The following ARNT variants were observed in gnomAD, a reference collection of about 807,000 sequenced individuals.
The protein encoded by ARNT is class E basic helix-loop-helix protein 2.
A neutral mutation model predicts 105.0 loss-of-function variants in ARNT; 30 were observed. That is an observed-to-expected ratio of 0.29 (90% CI 0.21 to 0.39). The LOEUF is 0.39. Among genes scored for constraint, ARNT ranks in the 10% least tolerant of loss-of-function variants. The probability of loss-of-function intolerance (pLI) is 1.00; values close to 1 mark genes in which losing one functional copy is unlikely to be tolerated. For synonymous variants in ARNT, 304 were observed against 344.0 expected (o/e 0.88, Z 1.29); for missense variants, 748 against 978.7 (o/e 0.76, Z 3.15).
At chr1:150,829,249 T>C in intron 11 of ARNT, 22 bp from the exon 12 acceptor site, 1 of 1,607,302 alleles carries the variant, frequency 6.2e-7, no homozygotes, top group Non-Finnish European at 8.5e-7. Context: ...GAGATAAAAA[T>C]GAGGTAAAAT....
chr1:150,870,833 A>G (rs1667310725), intron 1 of ARNT, among the ~76,000 whole-genome samples: 2 of 151,944 alleles, frequency 1.3e-5, no homozygotes, highest in Admixed American at 6.6e-5. Flanking sequence ...GAATCCATAA[A>G]CTTACTTGTC....
At chr1:150,813,140 T>C in intron 21 of ARNT, 32 bp downstream of exon 21, 7 of 1,601,860 alleles carry the variant, frequency 4.4e-6, no homozygotes, top group Non-Finnish European at 6.0e-6. Context: ...TCTCCCAGCT[T>C]CTAATTTTTG....
At chr1:150,852,394 G>A (rs1663794464) in intron 3 of ARNT, among the ~76,000 whole-genome samples, 1 of 152,128 alleles carries the variant, frequency 6.6e-6, no homozygotes, top group South Asian at 2.1e-4. Flanking sequence ...AGCCATCCCA[G>A]CTGAGTCCAG....
At chr1:150,865,982 GTT>G (rs199854652) in intron 1 of ARNT, among the ~76,000 whole-genome samples, 10 of 137,696 alleles carry the variant, frequency 7.3e-5, no homozygotes, top group Admixed American at 7.3e-5. Flanking sequence ...TTACTCCAAA[GTT>G]TTTTTTTTTT....
chr1:150,839,919 T>A (rs2135218), intron 5 of ARNT, among the ~76,000 whole-genome samples: 1 of 152,140 alleles, frequency 6.6e-6, no homozygotes, highest in Non-Finnish European at 1.5e-5. Flanking sequence ...CTTTGTAAAT[T>A]ACCACTCCCT....
rs1346630134 is a variant in ARNT at position 150,811,427 on chromosome 1, GAGAA to G, written c.*590_*593del. 4.3e-6 allele frequency: 1 copy of G among 232,564 alleles called. No homozygotes were observed. The highest frequency in any genetic ancestry group is 8.5e-6 in the Non-Finnish European group (1 of 117,926). The allele number at this position is 232,564 out of a possible 1,614,324, so 14.4% of individuals were successfully genotyped here. A position where few individuals can be genotyped will look rare whatever the true frequency, so the allele number is the denominator to read the frequency against. The stretch of plus-strand genomic sequence containing the variant: ...AAATTTTGCATAACTCCCTAATAGG[GAGAA>G]AGAGTGAAATACAGAAGCATGTGTG... On this transcript the variant is annotated 3_prime_UTR_variant, in exon 22 of 22. Coordinates refer to ENST00000358595, the MANE Select transcript of ARNT (RefSeq NM_001668.4).
Position 150,810,193 on chromosome 1 carries a change from G to A in ARNT, c.*1828C>T. 4.3e-6 allele frequency: 1 copy of A among 232,446 alleles called. No individual in the cohort carries two copies. The allele number at this position is 232,446 out of a possible 1,614,324, so 14.4% of individuals were successfully genotyped here. Reference sequence around the variant, plus strand: ...CACAGATGCCAGCAATACAGAAATGGCCAACAAGAAAACAAAACAGTCAAA... The same window carrying A: ...CACAGATGCCAGCAATACAGAAATGACCAACAAGAAAACAAAACAGTCAAA... On this transcript the variant is annotated 3_prime_UTR_variant, in exon 22 of 22. Coordinates refer to ENST00000358595, the MANE Select transcript of ARNT (RefSeq NM_001668.4).
intron 3 of ARNT, among the ~76,000 whole-genome samples, chr1:150,851,231 G>A (rs1023415504): frequency 3.5e-5 from 5 of 143,416 alleles, no homozygotes; most frequent in Admixed American, 1.4e-4. Context: ...CGCCCCATCC[G>A]GGAGGGTGGT....
In ARNT at chr1:150,838,796, T is replaced by C. The variant is rs184110696; in HGVS notation, c.486+645A>G. ...CATCCTCACTCAAGTCTAGCCATTC[T>C]ATTCACTTTAGCCATCCCTTCAGTA... On this transcript the variant is annotated intron_variant, in intron 6 of 21. Coordinates refer to ENST00000358595, the MANE Select transcript of ARNT (RefSeq NM_001668.4). Among the ~76,000 whole-genome samples the C allele has an allele frequency of 7.2e-5, 11 of 152,360 alleles. No individual in the cohort carries two copies. The East Asian group carries it at 2.1e-3, about 29-fold the overall frequency.
intron 1 of ARNT, among the ~76,000 whole-genome samples, chr1:150,871,684 C>T (rs1412047083): frequency 7.0e-6 from 1 of 143,318 alleles, no homozygotes; most frequent in Non-Finnish European, 1.5e-5. Context: ...CCAAGGTGGG[C>T]GGATCACCTG....
chr1:150,813,035 A>G (rs1037267679), intron 21 of ARNT, 137 bp downstream of exon 21: 2 of 970,820 alleles, frequency 2.1e-6, no homozygotes, highest in Non-Finnish European at 3.0e-6. Context: ...TGATCCCTAC[A>G]TTTATCCCTC....
chr1:150,853,250 A>C (rs1232397595), intron 2 of ARNT: 1 of 371,644 alleles, frequency 2.7e-6, no homozygotes. Context: ...CATTGCACTC[A>C]AGCCTGGGCG....
Position 150,817,081 on chromosome 1 carries a change from C to T in ARNT, c.1699+1G>A. On this transcript the variant is annotated splice_donor_variant, in intron 17 of 21. Coordinates refer to ENST00000358595, the MANE Select transcript of ARNT (RefSeq NM_001668.4). LOFTEE classifies it high-confidence loss of function. ...AAAAGGATAATGAGAAAGAAACATA[C>T]CCGCATTGATGTTGTGATAGATTTC... 6.2e-7 allele frequency: 1 copy of T among 1,614,050 alleles called. No homozygotes were observed. The highest frequency in any genetic ancestry group is 8.5e-7 in the Non-Finnish European group (1 of 1,180,008).
intron 1 of ARNT, among the ~76,000 whole-genome samples, chr1:150,876,153 A>C (rs1368623139): frequency 1.3e-5 from 2 of 152,252 alleles, no homozygotes; most frequent in African/African-American, 4.8e-5. Context: ...AACTACTCTT[A>C]AAGTAAACCG....
chr1:150,856,624 G>A (rs61817642), intron 2 of ARNT, among the ~76,000 whole-genome samples: 4 of 150,458 alleles, frequency 2.7e-5, no homozygotes, highest in African/African-American at 9.8e-5. Context: ...TTAGCTGGGC[G>A]TGGTGGCGCA....
chr1:150,814,194 C>A lies in ARNT; in HGVS notation c.1996G>T (p.Gly666Cys). The change falls in exon 20 of 22, where the codon GGT becomes TGT. Residue 666 changes from glycine (G) to cysteine (C), a missense_variant. Gly to Cys is a radical substitution (Grantham distance 159). Transcript: ENST00000358595. ...ATAKTRTSQFGVGSFQTPSSF... is the reference protein window; with the variant it reads ...ATAKTRTSQFCVGSFQTPSSF... Reference sequence around the variant, plus strand: ...GATGGAGTCTGAAAGCTGCCCACACCAAACTGGGAAGTACGAGTCTTAGCA... The same window carrying A: ...GATGGAGTCTGAAAGCTGCCCACACAAAACTGGGAAGTACGAGTCTTAGCA... 6.2e-7 allele frequency: 1 copy of A among 1,614,128 alleles called. No homozygotes were observed. Among genetic ancestry groups the A allele is most frequent in the Non-Finnish European group, 8.5e-7 (1 of 1,180,032 alleles).
intron 3 of ARNT, among the ~76,000 whole-genome samples, chr1:150,847,120 G>GTA (rs1291512195): frequency 3.3e-5 from 5 of 151,948 alleles, no homozygotes; most frequent in Non-Finnish European, 4.4e-5. Context: ...CGATTATTTT[G>GTA]TATATATATA....
rs1257436080 is a variant in ARNT, at chr1:150,811,498, A to T, written c.*523T>A. The T allele has an allele frequency of 1.3e-5, 3 of 232,800 alleles. No individual in the cohort carries two copies. Among genetic ancestry groups the T allele is most frequent in the Admixed American group, 5.7e-5 (1 of 17,692 alleles). The allele number at this position is 232,800 out of a possible 1,614,324, so 14.4% of individuals were successfully genotyped here. Reference sequence around the variant, plus strand: ...CACACATACACACACACTCTCTCTCACTTACTCACATGTTTCTTTCCAGAG... The same window carrying T: ...CACACATACACACACACTCTCTCTCTCTTACTCACATGTTTCTTTCCAGAG... On this transcript the variant is annotated 3_prime_UTR_variant, in exon 22 of 22. Transcript: ENST00000358595.
intron 1 of ARNT, among the ~76,000 whole-genome samples, chr1:150,866,587 T>A (rs1666625302): frequency 1.3e-5 from 2 of 152,148 alleles, no homozygotes; most frequent in South Asian, 4.1e-4. Flanking sequence ...CCCTTATAAT[T>A]TTTTTGTAAC....
Sources: gnomAD v4.1 joint callset for allele counts (sites outside exome capture counted in the v4.1 genomes callset) on GRCh38, gnomAD v4.1.1 for gene constraint, MANE v1.5 for transcripts, NCBI Gene and HGNC (gene_info 2026-07-23, HGNC 2026-07-21) for gene names.